The following EFR3B variants were observed in gnomAD, a reference collection of about 807,000 sequenced individuals.
The protein encoded by EFR3B is EFR3 homolog B.
EFR3B carries 64 observed loss-of-function variants against 104.7 expected under a neutral mutation model. The observed-to-expected ratio is 0.61, with a 90% CI of 0.50 to 0.75. The LOEUF is 0.75. Ranked by LOEUF, EFR3B falls within the 30% of genes least tolerant of loss-of-function variation. The probability of loss-of-function intolerance (pLI) is 0.00; values close to 1 mark genes in which losing one functional copy is unlikely to be tolerated. For synonymous variants in EFR3B, 385 were observed against 417.9 expected (o/e 0.92, Z 0.96); for missense variants, 750 against 1,078.5 (o/e 0.70, Z 4.27).
At chr2:25,073,048 A>T (rs552465132) in intron 1 of EFR3B, among the ~76,000 whole-genome samples, 1 of 152,352 alleles carries the variant, frequency 6.6e-6, no homozygotes, top group Non-Finnish European at 1.5e-5. Context: ...AAAAGATTTG[A>T]TGCATTATTG....
At chr2:25,146,058 C>A (rs1193651280) in intron 19 of EFR3B, 1 of 151,574 alleles carries the variant, frequency 6.6e-6, no homozygotes, top group African/African-American at 2.4e-5. Flanking sequence ...CTTCATCTCT[C>A]CCCTAACCAC....
rs1670305117 is a variant in EFR3B, at chr2:25,130,736, G to A, written c.849+106G>A. 1 of 1,020,262 alleles carries A rather than the reference G, an allele frequency of 9.8e-7. No individual in the cohort carries two copies. The highest frequency in any genetic ancestry group is 2.0e-5 in the Admixed American group (1 of 48,930). The allele number at this position is 1,020,262 out of a possible 1,614,324, so 63.2% of individuals were successfully genotyped here. ...AGAAGTCCCCTGTGACTCCTCCGAAGCCCCCAGTTGCCGAAACCAGTGCTG... is the reference window on the plus strand; with the variant it reads ...AGAAGTCCCCTGTGACTCCTCCGAAACCCCCAGTTGCCGAAACCAGTGCTG... On this transcript the variant is annotated intron_variant, in intron 8 of 22. Transcript: ENST00000403714. The surrounding 1 kb of genome is among the most constrained non-coding windows in gnomAD (Gnocchi z 4.6).
intron 1 of EFR3B, among the ~76,000 whole-genome samples, chr2:25,071,013 T>C (rs1253087189): frequency 6.6e-6 from 1 of 152,236 alleles, no homozygotes; most frequent in Non-Finnish European, 1.5e-5. Flanking sequence ...CAGACTGGAG[T>C]GCACTGGTGC....
intron 1 of EFR3B, among the ~76,000 whole-genome samples, chr2:25,050,504 A>G (rs1360314024): frequency 6.6e-6 from 1 of 152,202 alleles, no homozygotes; most frequent in African/African-American, 2.4e-5. Flanking sequence ...TCCATGGTAC[A>G]TAAAATGGGG....
intron 1 of EFR3B, among the ~76,000 whole-genome samples, chr2:25,051,243 C>G (rs1667859742): frequency 6.6e-6 from 1 of 152,118 alleles, no homozygotes; most frequent in African/African-American, 2.4e-5. Context: ...TCCCGAGTAG[C>G]TAGGACTACA....
chr2:25,132,644 C>T (rs571648408), intron 10 of EFR3B, among the ~76,000 whole-genome samples: 20 of 152,014 alleles, frequency 1.3e-4, no homozygotes, highest in African/African-American at 3.6e-4. Flanking sequence ...ATCCCCACCC[C>T]CTAGCCAAGG....
At chr2:25,046,953 C>T (rs1044557881) in intron 1 of EFR3B, among the ~76,000 whole-genome samples, 1 of 152,172 alleles carries the variant, frequency 6.6e-6, no homozygotes, top group African/African-American at 2.4e-5. Flanking sequence ...CCAGGTATGG[C>T]CTATGCATGT....
chr2:25,149,242 G>A (rs181868993), intron 19 of EFR3B, among the ~76,000 whole-genome samples: 63 of 152,196 alleles, frequency 4.1e-4, no homozygotes, highest in African/African-American at 1.4e-3. Flanking sequence ...CAGCTACTTG[G>A]GAGGCTGAGG....
intron 1 of EFR3B, among the ~76,000 whole-genome samples, chr2:25,077,076 A>C (rs1573184729): frequency 2.0e-5 from 3 of 152,128 alleles, no homozygotes; most frequent in Non-Finnish European, 1.5e-5. Flanking sequence ...CTGCAGATGT[A>C]CCCCTCTCCT....
At chr2:25,059,527 C>G (rs1468617796) in intron 1 of EFR3B, among the ~76,000 whole-genome samples, 1 of 132,008 alleles carries the variant, frequency 7.6e-6, no homozygotes, top group Non-Finnish European at 1.5e-5. Flanking sequence ...CTACAGTAGT[C>G]AAATTCGTAG....
Position 25,125,675 on chromosome 2 carries a change from A to G in EFR3B, c.486-2508A>G, listed in dbSNP as rs13416530. On this transcript the variant is annotated intron_variant, in intron 5 of 22. Coordinates refer to ENST00000403714, the MANE Select transcript of EFR3B (RefSeq NM_014971.2). Reference sequence around the variant, plus strand: ...GTTAAAACCAAAGTTAAGGCCAGGCACGGTGGCTCACGCCTGTAATCCCAG... The same window carrying G: ...GTTAAAACCAAAGTTAAGGCCAGGCGCGGTGGCTCACGCCTGTAATCCCAG... Among the ~76,000 whole-genome samples the G allele has an allele frequency of 4.1e-3, 624 of 152,306 alleles. 1 individual carries two copies. The highest frequency in any genetic ancestry group is 0.014 in the African/African-American group (567 of 41,580).
At chr2:25,105,001 C>G (rs1440562668) in intron 4 of EFR3B, among the ~76,000 whole-genome samples, 1 of 152,204 alleles carries the variant, frequency 6.6e-6, no homozygotes, top group Non-Finnish European at 1.5e-5. Flanking sequence ...CTCTCCCATT[C>G]CTTCCCCTTT....
chr2:25,153,839 CCT>C (rs985430571), intron 22 of EFR3B, 78 bp downstream of exon 22: 34 of 1,398,558 alleles, frequency 2.4e-5, no homozygotes, highest in Middle Eastern at 3.5e-4. Flanking sequence ...TCCTCTCACC[CCT>C]GTCTTCTCTT....
intron 5 of EFR3B, 88 bp from the exon 6 acceptor site, chr2:25,128,095 C>T (rs1670215894): frequency 1.4e-6 from 2 of 1,462,848 alleles, no homozygotes; most frequent in Non-Finnish European, 1.9e-6. Context: ...ATCCCTGACT[C>T]CTAAGCTGTG....
At position 25,136,419 on chromosome 2, in the gene EFR3B, G is replaced by C; in HGVS notation, c.1485-104G>C. ...AACCAGGGCCAGGGGAGCACTGGAG[G>C]CTTTGTACCAACTAACAATGTTGGG... is the stretch of plus-strand genomic sequence containing the variant. On this transcript the variant is annotated intron_variant, in intron 13 of 22. Coordinates refer to ENST00000403714, the MANE Select transcript of EFR3B (RefSeq NM_014971.2). This position sits in a 1 kb window ranked among gnomAD's most constrained non-coding sequence, Gnocchi z 4.0. The C allele has an allele frequency of 2.2e-6, 2 of 896,620 alleles. No individual in the cohort carries two copies. Among genetic ancestry groups the C allele is most frequent in the Non-Finnish European group, 3.5e-6 (2 of 577,072 alleles). 55.5% of individuals were successfully genotyped at this position (896,620 alleles called of 1,614,324 possible).
At chr2:25,078,640 C>G (rs1008114693) in intron 1 of EFR3B, among the ~76,000 whole-genome samples, 2 of 152,066 alleles carry the variant, frequency 1.3e-5, no homozygotes, top group Admixed American at 1.3e-4. Context: ...AAAATGAGAC[C>G]TAGGAATTTA....
intron 1 of EFR3B, among the ~76,000 whole-genome samples, chr2:25,070,726 AAG>A (rs768993495): frequency 6.6e-6 from 1 of 152,148 alleles, no homozygotes; most frequent in Non-Finnish European, 1.5e-5. Context: ...ACTGTCAATG[AAG>A]AGCTGAGGAA....
intron 3 of EFR3B, among the ~76,000 whole-genome samples, chr2:25,101,260 G>A (rs1669423575): frequency 6.6e-6 from 1 of 152,172 alleles, no homozygotes; most frequent in African/African-American, 2.4e-5. Context: ...GGTAGGAAGA[G>A]GGAAAGAGAA....
intron 3 of EFR3B, among the ~76,000 whole-genome samples, chr2:25,099,814 C>T (rs893478388): frequency 6.6e-6 from 1 of 150,950 alleles, no homozygotes; most frequent in East Asian, 1.9e-4. Flanking sequence ...TGAAAGAGCT[C>T]CTGAAATTGT....
Sources: allele counts gnomAD v4.1 joint callset (sites outside exome capture counted in the v4.1 genomes callset), GRCh38; gene constraint gnomAD v4.1.1; non-coding constraint Gnocchi (gnomAD v3.1); transcripts MANE v1.5; gene names NCBI Gene and HGNC (gene_info 2026-07-23, HGNC 2026-07-21).